The following TTLL5 variants were observed in gnomAD, a reference collection of about 807,000 sequenced individuals.
TTLL5 encodes the protein tubulin tyrosine ligase like 5, also known as tubulin polyglutamylase TTLL5.
In TTLL5, 132 loss-of-function variants were observed where a neutral mutation model predicts 168.4. The observed-to-expected ratio is 0.78, with a 90% CI of 0.68 to 0.91. TTLL5 has a LOEUF of 0.91. Among genes scored for constraint, TTLL5 ranks in the 40% least tolerant of loss-of-function variants. The probability of loss-of-function intolerance (pLI) is 0.00; values close to 1 mark genes in which losing one functional copy is unlikely to be tolerated. For missense variants in TTLL5, 1,545 were observed against 1,581.5 expected, an observed-to-expected ratio of 0.98 and a Z score of 0.39; for synonymous variants, 546 against 558.6, an observed-to-expected ratio of 0.98 and a Z score of 0.32.
At chr14:75,944,890 A>G (rs1358876059) in intron 31 of TTLL5, among the ~76,000 whole-genome samples, 2 of 152,128 alleles carry the variant, frequency 1.3e-5, no homozygotes, top group Non-Finnish European at 2.9e-5. Flanking sequence ...TAACTGGCAT[A>G]TGACCTCCTA....
At chr14:75,950,761 A>AGT (rs1357633986) in intron 31 of TTLL5, among the ~76,000 whole-genome samples, 1 of 152,134 alleles carries the variant, frequency 6.6e-6, no homozygotes, top group Non-Finnish European at 1.5e-5. Flanking sequence ...TGAGTCCAGG[A>AGT]GTTCCAGAGC....
Position 75,690,408 on chromosome 14 carries a change from A to T in TTLL5, c.502+86A>T. 2.0e-6 allele frequency: 3 copies of T among 1,480,296 alleles called. No homozygotes were observed. In the South Asian group the frequency reaches 4.3e-5, roughly 21 times the overall value. 91.7% of individuals were successfully genotyped at this position (1,480,296 alleles called of 1,614,324 possible). On this transcript the variant is annotated intron_variant, in intron 6 of 31. Coordinates refer to ENST00000298832, the MANE Select transcript of TTLL5 (RefSeq NM_015072.5). ...CAAAAGCCTCCTCAAGGTGTCAACCAATCAGGGCTTTCCAAATCCTTAGAC... is the reference window on the plus strand; with the variant it reads ...CAAAAGCCTCCTCAAGGTGTCAACCTATCAGGGCTTTCCAAATCCTTAGAC...
At chr14:75,730,992 A>G (rs1888497217) in intron 12 of TTLL5, among the ~76,000 whole-genome samples, 1 of 152,178 alleles carries the variant, frequency 6.6e-6, no homozygotes, top group African/African-American at 2.4e-5. Context: ...TGCTGGGATT[A>G]CAGGCATGAG....
At chr14:75,799,298 C>T (rs1893156616) in intron 27 of TTLL5, among the ~76,000 whole-genome samples, 1 of 150,926 alleles carries the variant, frequency 6.6e-6, no homozygotes, top group East Asian at 2.0e-4. Flanking sequence ...GCTACTTCTG[C>T]TCACTTCCGT....
intron 31 of TTLL5, among the ~76,000 whole-genome samples, chr14:75,949,646 C>T (rs2034892879): frequency 6.6e-6 from 1 of 151,594 alleles, no homozygotes; most frequent in Non-Finnish European, 1.5e-5. Context: ...CCTAGGAGTT[C>T]AAGACCAGCC....
At chr14:75,820,280 C>T in intron 28 of TTLL5, 119 bp downstream of exon 28, 6 of 1,089,378 alleles carry the variant, frequency 5.5e-6, no homozygotes, top group Non-Finnish European at 3.6e-6. Context: ...GCCCTTTCTC[C>T]ACCTGCCTCG....
chr14:75,926,307 G>T (rs549124356), intron 31 of TTLL5, among the ~76,000 whole-genome samples: 1 of 151,602 alleles, frequency 6.6e-6, no homozygotes, highest in Non-Finnish European at 1.5e-5. Flanking sequence ...TATCCAATTT[G>T]CCAGTTCGTG....
At chr14:75,907,209 TA>T (rs374981330) in intron 31 of TTLL5, among the ~76,000 whole-genome samples, 195 of 152,288 alleles carry the variant, frequency 1.3e-3, no homozygotes, top group African/African-American at 4.4e-3. Flanking sequence ...TAAATAAACA[TA>T]TGCTATAATT....
At chr14:75,739,102 C>A (rs1419694547) in intron 15 of TTLL5, among the ~76,000 whole-genome samples, 3 of 152,110 alleles carry the variant, frequency 2.0e-5, no homozygotes, top group African/African-American at 4.8e-5. Context: ...GCCACCATGC[C>A]CGGCCTTTGA....
chr14:75,772,254 A>G (rs1043153278), intron 21 of TTLL5, among the ~76,000 whole-genome samples: 19 of 152,224 alleles, frequency 1.2e-4, no homozygotes, highest in African/African-American at 4.6e-4. Flanking sequence ...TTTACAGAAG[A>G]GCAAACAAAG....
At chr14:75,773,106 G>T (rs1218838255) in intron 21 of TTLL5, among the ~76,000 whole-genome samples, 2 of 152,146 alleles carry the variant, frequency 1.3e-5, no homozygotes, top group Non-Finnish European at 2.9e-5. Flanking sequence ...AAGTCTTTAT[G>T]CCAGGCTTAT....
intron 28 of TTLL5, among the ~76,000 whole-genome samples, chr14:75,862,104 A>C (rs563656131): frequency 2.0e-5 from 3 of 152,290 alleles, no homozygotes; most frequent in Non-Finnish European, 4.4e-5. Flanking sequence ...GGCATCATAT[A>C]ATATTTGTTC....
chr14:75,794,369 G>T (rs190671761), intron 27 of TTLL5, among the ~76,000 whole-genome samples: 27 of 151,514 alleles, frequency 1.8e-4, no homozygotes, highest in Non-Finnish European at 3.8e-4. Flanking sequence ...TTATCATTGG[G>T]TCACTAACTA....
At chr14:75,743,832 T>TC (rs1889430984) in intron 15 of TTLL5, among the ~76,000 whole-genome samples, 1 of 151,958 alleles carries the variant, frequency 6.6e-6, no homozygotes, top group Non-Finnish European at 1.5e-5. Context: ...CTGCCCACCT[T>TC]GGCCTCCCAA....
At chr14:75,797,377 T>C (rs972816618) in intron 27 of TTLL5, among the ~76,000 whole-genome samples, 7 of 152,118 alleles carry the variant, frequency 4.6e-5, no homozygotes, top group Admixed American at 1.3e-4. Context: ...AGCAACAGTT[T>C]GACTTCCTCT....
chr14:75,884,063 TAAAAC>T, intron 30 of TTLL5, among the ~76,000 whole-genome samples: 1 of 152,316 alleles, frequency 6.6e-6, no homozygotes, highest in East Asian at 1.9e-4. Context: ...TTTGTAAAAA[TAAAAC>T]AATAAGAGTA....
intron 28 of TTLL5, among the ~76,000 whole-genome samples, chr14:75,846,699 A>G (rs1896562555): frequency 6.6e-6 from 1 of 150,686 alleles, no homozygotes; most frequent in African/African-American, 2.4e-5. Context: ...CTGAGGCAGG[A>G]GAATCACTTG....
chr14:75,848,685 A>G (rs1896685885), intron 28 of TTLL5, among the ~76,000 whole-genome samples: 1 of 152,204 alleles, frequency 6.6e-6, no homozygotes, highest in Non-Finnish European at 1.5e-5. Context: ...GATCAAAGAC[A>G]TTTCATGTTC....
At chr14:75,893,817 CAAAAA>C (rs61332109) in intron 30 of TTLL5, among the ~76,000 whole-genome samples, 1 of 71,594 alleles carries the variant, frequency 1.4e-5, no homozygotes. Context: ...GACTCCATCT[CAAAAA>C]AAAAAAAAAA....
Sources: gnomAD v4.1 joint callset for allele counts (sites outside exome capture counted in the v4.1 genomes callset) on GRCh38, gnomAD v4.1.1 for gene constraint, MANE v1.5 for transcripts, NCBI Gene and HGNC (gene_info 2026-07-23, HGNC 2026-07-21) for gene names.